The following CSMD2 variants were observed in gnomAD, a reference collection of about 807,000 sequenced individuals.
The protein encoded by CSMD2 is CUB and sushi domain-containing protein 2.
In CSMD2, 130 loss-of-function variants were observed where a neutral mutation model predicts 398.5. The ratio of observed to expected loss-of-function variants is 0.33; its 90% CI spans 0.28 to 0.38. The LOEUF is 0.38. Ranked by LOEUF, CSMD2 falls within the 10% of genes least tolerant of loss-of-function variation. The pLI, the probability that CSMD2 is intolerant of heterozygous loss-of-function variation, is 1.00. For synonymous variants in CSMD2, 1,828 were observed against 1,908.5 expected, an observed-to-expected ratio of 0.96 and a Z score of 1.10; for missense variants, 3,829 against 4,764.9, an observed-to-expected ratio of 0.80 and a Z score of 5.78.
At chr1:34,024,807 T>C (rs1306984837) in intron 3 of CSMD2, among the ~76,000 whole-genome samples, 2 of 152,264 alleles carry the variant, frequency 1.3e-5, no homozygotes, top group African/African-American at 2.4e-5. Context: ...TCTATCTATA[T>C]ATATGTGATC....
chr1:33,746,703 G>C (rs1647432500), intron 13 of CSMD2, among the ~76,000 whole-genome samples: 1 of 152,174 alleles, frequency 6.6e-6, no homozygotes, highest in Non-Finnish European at 1.5e-5. Flanking sequence ...ATCTGATTCT[G>C]CTGAATCCCT....
At chr1:33,606,708 G>C (rs537736126) in intron 41 of CSMD2, among the ~76,000 whole-genome samples, 2 of 152,190 alleles carry the variant, frequency 1.3e-5, no homozygotes, top group African/African-American at 4.8e-5. Context: ...ACTCAGAGAC[G>C]GGGAGAGAAG....
chr1:33,668,890 A>C (rs1346618410), intron 25 of CSMD2, among the ~76,000 whole-genome samples: 3 of 152,220 alleles, frequency 2.0e-5, no homozygotes, highest in African/African-American at 7.2e-5. Flanking sequence ...GCCCTGGAGG[A>C]AACTTACTGA....
At chr1:33,828,419 G>C (rs751079320) in intron 6 of CSMD2, among the ~76,000 whole-genome samples, 1 of 152,204 alleles carries the variant, frequency 6.6e-6, no homozygotes, top group African/African-American at 2.4e-5. Flanking sequence ...TCTATGACCC[G>C]GTGCAGCCCA....
chr1:34,110,015 T>C (rs10799028), intron 1 of CSMD2, among the ~76,000 whole-genome samples: 1 of 128,680 alleles, frequency 7.8e-6, no homozygotes, highest in African/African-American at 3.0e-5. Flanking sequence ...CACTCCAGCC[T>C]GGGTGACAGA....
At chr1:33,932,426 G>T (rs1306890426) in intron 4 of CSMD2, among the ~76,000 whole-genome samples, 1 of 152,104 alleles carries the variant, frequency 6.6e-6, no homozygotes, top group Non-Finnish European at 1.5e-5. Flanking sequence ...AGGAGGGAAA[G>T]AATCATCATC....
chr1:33,961,505 G>A (rs749368300), intron 3 of CSMD2, among the ~76,000 whole-genome samples: 69 of 152,216 alleles, frequency 4.5e-4, no homozygotes, highest in Middle Eastern at 3.2e-3. Flanking sequence ...AATCAGATAG[G>A]CCTGGGCATC....
chr1:33,600,691 A>T, intron 44 of CSMD2, 174 bp downstream of exon 44: 1 of 652,976 alleles, frequency 1.5e-6, no homozygotes, highest in Non-Finnish European at 2.6e-6. Flanking sequence ...CTGCACTGAG[A>T]GCTCTCACAT....
chr1:33,914,997 C>T (rs1185382169), intron 5 of CSMD2, among the ~76,000 whole-genome samples: 1 of 152,178 alleles, frequency 6.6e-6, no homozygotes, highest in African/African-American at 2.4e-5. Flanking sequence ...TTGTTGCTAT[C>T]CCGTTTAGGG....
Position 33,725,686 on chromosome 1 carries a change from A to G in CSMD2, c.2508-150T>C, listed in dbSNP as rs546643751. On this transcript the variant is annotated intron_variant, in intron 16 of 70. Transcript: ENST00000373381. ...TATAATTTGCACACATTCACTAGCGATGCAGAAGGACCTTCTCCACTCTAT... is the reference window on the plus strand; with the variant it reads ...TATAATTTGCACACATTCACTAGCGGTGCAGAAGGACCTTCTCCACTCTAT... 646 of 643,480 alleles carry G rather than the reference A, an allele frequency of 1.0e-3. 1 individual carries two copies. The highest frequency in any genetic ancestry group is 1.1e-3 in the Non-Finnish European group (393 of 367,280). The allele number at this position is 643,480 out of a possible 1,614,324, so 39.9% of individuals were successfully genotyped here.
intron 5 of CSMD2, among the ~76,000 whole-genome samples, chr1:33,911,012 A>G (rs1643418440): frequency 6.6e-6 from 1 of 152,202 alleles, no homozygotes; most frequent in Non-Finnish European, 1.5e-5. Context: ...CACCTAACAC[A>G]TGATATTGCA....
chr1:33,965,056 C>T (rs1645509741), intron 3 of CSMD2, among the ~76,000 whole-genome samples: 1 of 152,238 alleles, frequency 6.6e-6, no homozygotes, highest in South Asian at 2.1e-4. Context: ...GGCTGCTTGG[C>T]CCAGGCACCT....
chr1:33,661,864 G>T (rs930338675), intron 26 of CSMD2, among the ~76,000 whole-genome samples: 2 of 152,192 alleles, frequency 1.3e-5, no homozygotes, highest in Non-Finnish European at 2.9e-5. Flanking sequence ...CTGGGAAAGA[G>T]CTCGGGGGCA....
chr1:34,116,657 T>C (rs1434611488), intron 1 of CSMD2, among the ~76,000 whole-genome samples: 1 of 152,072 alleles, frequency 6.6e-6, no homozygotes, highest in Non-Finnish European at 1.5e-5. Context: ...CAAATAGACA[T>C]ATCTAGAATA....
chr1:33,859,927 T>G (rs1046106401), intron 5 of CSMD2, among the ~76,000 whole-genome samples: 2 of 152,176 alleles, frequency 1.3e-5, no homozygotes, highest in African/African-American at 4.8e-5. Flanking sequence ...TTACCCTGGC[T>G]GCACATTGCT....
intron 29 of CSMD2, among the ~76,000 whole-genome samples, chr1:33,638,503 T>C (rs577916736): frequency 6.6e-6 from 1 of 152,348 alleles, no homozygotes; most frequent in East Asian, 1.9e-4. Flanking sequence ...CTTGAAGGCA[T>C]CAGCTAAATT....
At chr1:34,138,466 G>A (rs1163275083) in intron 1 of CSMD2, among the ~76,000 whole-genome samples, 2 of 152,298 alleles carry the variant, frequency 1.3e-5, no homozygotes, top group Non-Finnish European at 2.9e-5. Flanking sequence ...AACGGAGGTG[G>A]TAAGAGTAAC....
chr1:33,705,730 T>C (rs1220340486), intron 22 of CSMD2, among the ~76,000 whole-genome samples: 2 of 152,000 alleles, frequency 1.3e-5, no homozygotes, highest in Non-Finnish European at 2.9e-5. Context: ...CTTACAGTTG[T>C]TCCTAAACAT....
In CSMD2 at chr1:33,625,067, T is replaced by C. The variant is rs1338335308; in HGVS notation, c.5484A>G (p.Ser1828=). ...GTTACTCACCCACACACGTGGGCGC[T>C]GAGACATTCCATTGGGCCAAGGCCC... ...VPGALAQWNV[S]APTCVVPCGG... Residue 1828 remains serine (S), a synonymous_variant, in exon 34 of 71, where the codon TCA becomes TCG. Transcript: ENST00000373381. The C allele has an allele frequency of 3.7e-6, 6 of 1,613,696 alleles. No homozygotes were observed. The African/African-American group carries it at 4.0e-5, about 11-fold the overall frequency.
Sources: gnomAD v4.1 joint callset for allele counts (sites outside exome capture counted in the v4.1 genomes callset) on GRCh38, gnomAD v4.1.1 for gene constraint, MANE v1.5 for transcripts, NCBI Gene and HGNC (gene_info 2026-07-23, HGNC 2026-07-21) for gene names.